The following CTIF variants were observed in gnomAD, a reference collection of about 807,000 sequenced individuals.
CTIF encodes the protein CBP80/20-dependent translation initiation factor.
Under a neutral mutation model 66.0 loss-of-function variants are expected in CTIF, and 21 were observed. That is an observed-to-expected ratio of 0.32 (90% CI 0.23 to 0.46). CTIF has a LOEUF of 0.46. CTIF is among the 20% of genes least tolerant of loss of function. The pLI, the probability that CTIF is intolerant of heterozygous loss-of-function variation, is 1.00. For missense variants in CTIF, 739 were observed against 812.7 expected, an observed-to-expected ratio of 0.91 and a Z score of 1.10; for synonymous variants, 345 against 326.4, an observed-to-expected ratio of 1.06 and a Z score of -0.62.
At chr18:48,692,191 A>G (rs2091936296) in intron 6 of CTIF, among the ~76,000 whole-genome samples, 1 of 152,178 alleles carries the variant, frequency 6.6e-6, no homozygotes, top group Non-Finnish European at 1.5e-5. Flanking sequence ...TCTTTGTAAA[A>G]CAAAACAAAA....
chr18:48,601,566 C>T (rs1046631442), intron 1 of CTIF, among the ~76,000 whole-genome samples: 4 of 152,176 alleles, frequency 2.6e-5, no homozygotes, highest in Non-Finnish European at 4.4e-5. Context: ...GCCTGGGGAC[C>T]AGCCTGTGGG....
chr18:48,542,020 C>T (rs996746375), intron 1 of CTIF, among the ~76,000 whole-genome samples: 6 of 152,080 alleles, frequency 3.9e-5, no homozygotes, highest in African/African-American at 1.4e-4. Context: ...TAATAGTGGC[C>T]ACTTTTTTTC....
intron 3 of CTIF, among the ~76,000 whole-genome samples, chr18:48,657,241 G>T (rs1244432770): frequency 6.6e-6 from 1 of 152,234 alleles, no homozygotes; most frequent in East Asian, 1.9e-4. Flanking sequence ...CATATGTGAA[G>T]AGTTAACATC....
chr18:48,553,848 A>G lies in CTIF; in HGVS notation c.-29+14536A>G, dbSNP rs2088952448. ...TTTTTTGTATTTTTTTTTTTAGTAG[A>G]GACAGGGTTTCCCTGTGTTAGCCAG... On this transcript the variant is annotated intron_variant, in intron 1 of 11. Transcript: ENST00000256413. Among the ~76,000 whole-genome samples, 2 of 150,374 alleles carry G rather than the reference A, an allele frequency of 1.3e-5. 1 individual carries two copies. Among genetic ancestry groups the G allele is most frequent in the South Asian group, 4.2e-4 (2 of 4,772 alleles).
intron 10 of CTIF, among the ~76,000 whole-genome samples, chr18:48,825,774 T>A (rs2068571191): frequency 6.6e-6 from 1 of 152,196 alleles, no homozygotes; most frequent in Admixed American, 6.5e-5. Context: ...GCTGGATCCA[T>A]GGGGAATTAT....
At chr18:48,573,821 A>G (rs2089472921) in intron 1 of CTIF, among the ~76,000 whole-genome samples, 1 of 152,222 alleles carries the variant, frequency 6.6e-6, no homozygotes, top group South Asian at 2.1e-4. Flanking sequence ...ACGGGAAGGC[A>G]GCACACTGCA....
chr18:48,573,957 G>A (rs1029604393), intron 1 of CTIF, among the ~76,000 whole-genome samples: 2 of 152,240 alleles, frequency 1.3e-5, no homozygotes, highest in Non-Finnish European at 2.9e-5. Flanking sequence ...GGGGAAGGCA[G>A]TCGCATCCCC....
intron 2 of CTIF, among the ~76,000 whole-genome samples, chr18:48,622,908 G>T (rs1477080468): frequency 6.6e-6 from 1 of 152,206 alleles, no homozygotes; most frequent in Non-Finnish European, 1.5e-5. Context: ...TCCTCCAAAG[G>T]TTCCTCCAGC....
At chr18:48,844,982 C>T (rs1270395834) in intron 10 of CTIF, among the ~76,000 whole-genome samples, 1 of 152,182 alleles carries the variant, frequency 6.6e-6, no homozygotes, top group African/African-American at 2.4e-5. Context: ...CTCACCTCTA[C>T]CTTTAAACTG....
chr18:48,640,394 A>G lies in CTIF; in HGVS notation c.252+3709A>G, dbSNP rs537092928. Among the ~76,000 whole-genome samples the G allele has an allele frequency of 2.0e-4, 31 of 152,294 alleles. No individual in the cohort carries two copies. The East Asian group carries it at 5.4e-3, about 27-fold the overall frequency. ...GGGCCTTGTACTCAGTAGGCACTCA[A>G]TAGTGATGCCTGAGACTGCACTGAG... On this transcript the variant is annotated intron_variant, in intron 3 of 11. Coordinates refer to ENST00000256413, the MANE Select transcript of CTIF (RefSeq NM_014772.3).
chr18:48,664,589 G>C (rs778031485), intron 5 of CTIF, 38 bp downstream of exon 5: 2 of 1,577,254 alleles, frequency 1.3e-6, no homozygotes, highest in Non-Finnish European at 1.7e-6. Context: ...GGTGGGGTGG[G>C]GCAGGGGACG....
intron 1 of CTIF, among the ~76,000 whole-genome samples, chr18:48,540,819 T>C (rs1389659042): frequency 1.3e-5 from 2 of 151,822 alleles, no homozygotes; most frequent in African/African-American, 4.8e-5. Flanking sequence ...AGCCCCCTCC[T>C]TGTCTAAGTC....
chr18:48,713,321 C>A (rs2092247648), intron 7 of CTIF, among the ~76,000 whole-genome samples: 1 of 152,112 alleles, frequency 6.6e-6, no homozygotes, highest in Non-Finnish European at 1.5e-5. Flanking sequence ...AGAAGTCACC[C>A]TCTGCCCCAC....
chr18:48,649,862 C>G (rs184981460), intron 3 of CTIF, among the ~76,000 whole-genome samples: 5 of 152,324 alleles, frequency 3.3e-5, no homozygotes, highest in Admixed American at 6.5e-5. Context: ...CCAGCAAACT[C>G]CAACAGACCT....
intron 6 of CTIF, among the ~76,000 whole-genome samples, chr18:48,692,346 AAAAC>A (rs200613738): frequency 0.091 from 13,761 of 151,926 alleles, 1,768 homozygotes; most frequent in African/African-American, 0.29. Context: ...ACAAAAAAAA[AAAAC>A]CACCCTTACT....
At chr18:48,795,948 A>G (rs2067906656) in intron 9 of CTIF, among the ~76,000 whole-genome samples, 1 of 152,198 alleles carries the variant, frequency 6.6e-6, no homozygotes, top group Non-Finnish European at 1.5e-5. Flanking sequence ...CACTGGAACT[A>G]TAGGTCAGGA....
At chr18:48,724,708 G>A (rs558530083) in intron 7 of CTIF, among the ~76,000 whole-genome samples, 1 of 152,348 alleles carries the variant, frequency 6.6e-6, no homozygotes, top group East Asian at 1.9e-4. Flanking sequence ...TGAAGCAGGT[G>A]CGGCCACTGA....
At chr18:48,629,194 TC>T (rs2090656999) in intron 2 of CTIF, among the ~76,000 whole-genome samples, 1 of 152,176 alleles carries the variant, frequency 6.6e-6, no homozygotes, top group African/African-American at 2.4e-5. Context: ...ACCTATGCAT[TC>T]AGACACTGGG....
chr18:48,840,165 G>T (rs2068905257), intron 10 of CTIF, among the ~76,000 whole-genome samples: 1 of 152,178 alleles, frequency 6.6e-6, no homozygotes, highest in Non-Finnish European at 1.5e-5. Flanking sequence ...GATCAGAAAA[G>T]GCATGCTCAG....
Sources: gnomAD v4.1 joint callset for allele counts (sites outside exome capture counted in the v4.1 genomes callset) on GRCh38, gnomAD v4.1.1 for gene constraint, MANE v1.5 for transcripts, NCBI Gene and HGNC (gene_info 2026-07-23, HGNC 2026-07-21) for gene names.